The following SLC15A4 variants were observed in gnomAD, a reference collection of about 807,000 sequenced individuals.
SLC15A4 encodes solute carrier family 15 member 4.
In SLC15A4, 26 loss-of-function variants were observed where a neutral mutation model predicts 46.1. The observed-to-expected ratio is 0.56, with a 90% CI of 0.41 to 0.78. SLC15A4 has a LOEUF of 0.78. Among genes scored for constraint, SLC15A4 ranks in the 30% least tolerant of loss-of-function variants. The pLI is 0.00. For missense variants in SLC15A4, 751 were observed against 755.7 expected, an observed-to-expected ratio of 0.99 and a Z score of 0.07; for synonymous variants, 370 against 333.4, an observed-to-expected ratio of 1.11 and a Z score of -1.20.
At chr12:128,796,670 G>A (rs149410696) in intron 7 of SLC15A4, among the ~76,000 whole-genome samples, 3 of 152,274 alleles carry the variant, frequency 2.0e-5, no homozygotes, top group African/African-American at 7.2e-5. Flanking sequence ...GCACTCAGTG[G>A]AAATGCAAAC....
At chr12:128,821,954 T>G (rs989412083) in intron 1 of SLC15A4, among the ~76,000 whole-genome samples, 2 of 149,164 alleles carry the variant, frequency 1.3e-5, no homozygotes, top group South Asian at 2.1e-4. Flanking sequence ...CCTCAGAAAA[T>G]AAGAAGCAGA....
At chr12:128,817,849 C>T (rs1242768386) in intron 1 of SLC15A4, among the ~76,000 whole-genome samples, 1 of 152,186 alleles carries the variant, frequency 6.6e-6, no homozygotes, top group Non-Finnish European at 1.5e-5. Flanking sequence ...TGCTTCCCAG[C>T]CCCTGGCGAG....
chr12:128,820,029 C>T (rs540724505), intron 1 of SLC15A4, among the ~76,000 whole-genome samples: 78 of 152,288 alleles, frequency 5.1e-4, no homozygotes, highest in Admixed American at 1.0e-3. Context: ...TGTGGCGAGG[C>T]TTAAATAAGA....
At chr12:128,808,043 A>G (rs1955610637) in intron 5 of SLC15A4, among the ~76,000 whole-genome samples, 1 of 152,244 alleles carries the variant, frequency 6.6e-6, no homozygotes, top group Admixed American at 6.5e-5. Flanking sequence ...AAGAATATCA[A>G]CTTTTATTAT....
chr12:128,808,294 C>T (rs1394523065), intron 5 of SLC15A4, among the ~76,000 whole-genome samples: 1 of 152,172 alleles, frequency 6.6e-6, no homozygotes, highest in Non-Finnish European at 1.5e-5. Flanking sequence ...GGAGATGCTG[C>T]CCAGGAGCCT....
chr12:128,800,328 C>T (rs898825549), intron 6 of SLC15A4, among the ~76,000 whole-genome samples: 34 of 152,350 alleles, frequency 2.2e-4, no homozygotes, highest in Admixed American at 1.2e-3. Flanking sequence ...ACTACCCACA[C>T]ATCCATCCAC....
chr12:128,802,338 C>T (rs1347218435), intron 5 of SLC15A4, among the ~76,000 whole-genome samples: 2 of 152,120 alleles, frequency 1.3e-5, no homozygotes, highest in Non-Finnish European at 2.9e-5. Context: ...CTGGCATCAG[C>T]GCCTTCAAAC....
intron 7 of SLC15A4, among the ~76,000 whole-genome samples, chr12:128,797,981 C>T (rs1955466663): frequency 6.6e-6 from 1 of 152,138 alleles, no homozygotes; most frequent in African/African-American, 2.4e-5. Flanking sequence ...GGCCCATCCC[C>T]AGCACACACG....
rs780617143 is a variant in SLC15A4, at chr12:128,814,936, C to T, written c.681G>A (p.Ala227=). 15 of 1,614,144 alleles carry T rather than the reference C, an allele frequency of 9.3e-6. No homozygotes were observed. The highest frequency in any genetic ancestry group is 1.6e-4 in the Middle Eastern group (1 of 6,062). ...QQNVSFVTGY[A]IPTVCVGLAF... ...CAAGGCCGACGCAGACAGTGGGGAT[C>T]GCATAACCAGTGACAAAGCTGACGT... is the stretch of plus-strand genomic sequence containing the variant. The change falls in exon 2 of 8, where the codon GCG becomes GCA. Residue 227 remains alanine (A), a synonymous_variant. Transcript: ENST00000266771.
intron 6 of SLC15A4, 24 bp from the exon 7 acceptor site, chr12:128,799,441 G>C: frequency 6.2e-7 from 1 of 1,612,896 alleles, no homozygotes; most frequent in Non-Finnish European, 8.5e-7. Context: ...AGGGAGGGTC[G>C]TTTTTGTGAA....
intron 1 of SLC15A4, among the ~76,000 whole-genome samples, chr12:128,820,750 G>C (rs1955822584): frequency 6.6e-6 from 1 of 152,226 alleles, no homozygotes; most frequent in Non-Finnish European, 1.5e-5. Flanking sequence ...CACTGTGCCT[G>C]GTGCACAGTA....
chr12:128,809,095 C>A, intron 4 of SLC15A4, 139 bp from the exon 5 acceptor site: 1 of 778,618 alleles, frequency 1.3e-6, no homozygotes, highest in African/African-American at 1.8e-5. Context: ...AGTTTAGAGA[C>A]AACGGAACTG....
chr12:128,794,829 C>T (rs1352665727), intron 7 of SLC15A4, among the ~76,000 whole-genome samples: 1 of 152,182 alleles, frequency 6.6e-6, no homozygotes, highest in Non-Finnish European at 1.5e-5. Context: ...ACTGCTAATC[C>T]CCCCACACCA....
intron 1 of SLC15A4, chr12:128,815,566 AT>A (rs1955740637): frequency 6.2e-6 from 1 of 160,912 alleles, no homozygotes; most frequent in African/African-American, 2.4e-5. Context: ...GGCACCTGTA[AT>A]CCCAGCTACT....
rs936295386 is a variant in SLC15A4, at chr12:128,794,292, G to A, written c.1638C>T (p.Thr546=). The A allele has an allele frequency of 1.2e-6, 2 of 1,613,566 alleles. No homozygotes were observed. The highest frequency in any genetic ancestry group is 2.7e-5 in the African/African-American group (2 of 74,856). ...FFLLAAIQGA[T]LLLFLIISVK... Reference sequence around the variant, plus strand: ...CAGAAATAATGAGGAAAAGCAGGAGGGTAGCTCCTTGAATAGCAGCCAGAA... The same window carrying A: ...CAGAAATAATGAGGAAAAGCAGGAGAGTAGCTCCTTGAATAGCAGCCAGAA... Residue 546 remains threonine, a synonymous_variant, in exon 8 of 8, where the codon ACC becomes ACT. Coordinates refer to ENST00000266771, the MANE Select transcript of SLC15A4 (RefSeq NM_145648.4).
At position 128,797,392 on chromosome 12, in the gene SLC15A4, G is replaced by C. The variant is rs543282419; in HGVS notation, c.1573+1867C>G. Among the ~76,000 whole-genome samples, 6 of 104,466 alleles carry C rather than the reference G, an allele frequency of 5.7e-5. No homozygotes were observed. In the East Asian group the frequency reaches 1.8e-3, roughly 32 times the overall value. The allele number at this position is 104,466 out of a possible 152,430, so 68.5% of individuals were successfully genotyped here. On this transcript the variant is annotated intron_variant, in intron 7 of 7. Coordinates refer to ENST00000266771, the MANE Select transcript of SLC15A4 (RefSeq NM_145648.4). ...CTGGAATAGAACAGGTTTACCTTCT[G>C]AGGGGGGCAGTAAACTAAGGAGAGA...
In SLC15A4 at chr12:128,810,106, C is replaced by A; in HGVS notation, c.848G>T (p.Gly283Val). 3 of 1,610,404 alleles carry A rather than the reference C, an allele frequency of 1.9e-6. No individual in the cohort carries two copies. The highest frequency in any genetic ancestry group is 2.2e-5 in the South Asian group (2 of 89,982). ...AGAAGATTGCTGAAAGACTCCAATG[C>A]CTTCACTTTGGGAAATAAAATGAAG... Reference protein sequence around the residue: ...RSGERQSNGEGIGVFQQSSKQ... With the variant: ...RSGERQSNGEVIGVFQQSSKQ... Residue 283 changes from glycine to valine, a missense_variant, in exon 3 of 8, where the codon GGC (glycine) becomes GTC (valine). Physicochemically the swap from Gly to Val is moderately radical, Grantham distance 109. Transcript: ENST00000266771.
At chr12:128,820,498 G>A (rs1003897048) in intron 1 of SLC15A4, among the ~76,000 whole-genome samples, 13 of 152,172 alleles carry the variant, frequency 8.5e-5, no homozygotes, top group East Asian at 3.9e-4. Context: ...TGACTGTAAC[G>A]GATAGCCTTA....
intron 5 of SLC15A4, among the ~76,000 whole-genome samples, chr12:128,806,385 T>C (rs566284055): frequency 6.6e-6 from 1 of 151,952 alleles, no homozygotes; most frequent in Non-Finnish European, 1.5e-5. Flanking sequence ...TAAGAAAAGA[T>C]TAACAGAAAA....
Sources: gnomAD v4.1 joint callset for allele counts (sites outside exome capture counted in the v4.1 genomes callset) on GRCh38, gnomAD v4.1.1 for gene constraint, MANE v1.5 for transcripts, NCBI Gene and HGNC (gene_info 2026-07-23, HGNC 2026-07-21) for gene names.